CSMD1: variants seen among roughly 807,000 people sequenced by gnomAD.
The protein encoded by CSMD1 is CUB and sushi domain-containing protein 1.
CSMD1 carries 213 observed loss-of-function variants against 417.5 expected under a neutral mutation model. The ratio of observed to expected loss-of-function variants is 0.51; its 90% CI spans 0.46 to 0.57. The LOEUF (loss-of-function observed/expected upper bound fraction) is 0.57. Ranked by LOEUF, CSMD1 falls within the 20% of genes least tolerant of loss-of-function variation. The pLI is 0.00. For missense variants in CSMD1, 6,923 were observed against 4,529.7 expected (o/e 1.53, Z -15.17); for synonymous variants, 2,862 against 1,736.8 (o/e 1.65, Z -16.11).
intron 1 of CSMD1, among the ~76,000 whole-genome samples, chr8:4,676,650 C>T (rs1444557623): frequency 6.6e-6 from 1 of 151,974 alleles, no homozygotes; most frequent in Non-Finnish European, 1.5e-5. Flanking sequence ...TTCCAAGTTA[C>T]AAAGGAAAAA....
chr8:3,768,968 A>C (rs1798432572), intron 5 of CSMD1, among the ~76,000 whole-genome samples: 1 of 152,234 alleles, frequency 6.6e-6, no homozygotes, highest in Admixed American at 6.5e-5. Context: ...ATGGAACAGG[A>C]AAGGCCTGGC....
chr8:3,266,604 CAAAAAAAAAAA>C (rs60439183), intron 26 of CSMD1, among the ~76,000 whole-genome samples: 40 of 25,516 alleles, frequency 1.6e-3, no homozygotes, highest in African/African-American at 7.4e-3. Flanking sequence ...GACTCCCTCT[CAAAAAAAAAAA>C]AAAAAAAAAA....
chr8:3,610,786 C>G, intron 8 of CSMD1, among the ~76,000 whole-genome samples: 1 of 152,030 alleles, frequency 6.6e-6, no homozygotes, highest in East Asian at 1.9e-4. Flanking sequence ...GTGTGCCCCA[C>G]AGATGCCTGG....
chr8:3,302,516 C>T (rs774136850), intron 25 of CSMD1, among the ~76,000 whole-genome samples: 5 of 152,184 alleles, frequency 3.3e-5, no homozygotes, highest in Admixed American at 1.3e-4. Flanking sequence ...TTCTTCCCTG[C>T]ATGTCTATCT....
chr8:4,489,161 C>G (rs1385700109), intron 2 of CSMD1, among the ~76,000 whole-genome samples: 1 of 152,150 alleles, frequency 6.6e-6, no homozygotes, highest in Non-Finnish European at 1.5e-5. Flanking sequence ...ATCTACCTGC[C>G]TCGGCCTCCC....
intron 12 of CSMD1, among the ~76,000 whole-genome samples, chr8:3,439,902 T>G (rs1299882460): frequency 1.3e-5 from 2 of 152,220 alleles, no homozygotes; most frequent in African/African-American, 4.8e-5. Context: ...AGCCATTCAC[T>G]GAAAAGACTA....
intron 1 of CSMD1, among the ~76,000 whole-genome samples, chr8:4,831,187 C>T (rs1195764265): frequency 6.6e-6 from 1 of 152,118 alleles, no homozygotes; most frequent in Non-Finnish European, 1.5e-5. Context: ...CTGAAAAATG[C>T]AACTATTGGC....
At chr8:4,411,385 T>G (rs115904918) in intron 3 of CSMD1, among the ~76,000 whole-genome samples, 6 of 152,244 alleles carry the variant, frequency 3.9e-5, no homozygotes, top group African/African-American at 1.2e-4. Flanking sequence ...TCAGCCACAG[T>G]GCTGGTCTTA....
At chr8:4,980,436 T>A (rs1810825720) in intron 1 of CSMD1, among the ~76,000 whole-genome samples, 2 of 151,954 alleles carry the variant, frequency 1.3e-5, no homozygotes, top group African/African-American at 4.8e-5. Context: ...AGGAAGGAGT[T>A]TGTCAGGCGA....
At chr8:3,019,362 A>G (rs1809153991) in intron 51 of CSMD1, among the ~76,000 whole-genome samples, 1 of 152,232 alleles carries the variant, frequency 6.6e-6, no homozygotes, top group African/African-American at 2.4e-5. Context: ...ATCAATCCCA[A>G]GAATTACATA....
rs971311961 is a variant in CSMD1, at chr8:4,387,850, G to C, written c.415+32103C>G. On this transcript the variant is annotated intron_variant, in intron 3 of 69. Transcript: ENST00000635120. ...CTTTTCATAGCCACAAATGACAGCT[G>C]TCAACAAATATTCTTTAATGTCCTT... 3.9e-5 allele frequency among the ~76,000 whole-genome samples: 6 copies of C among 152,070 alleles called. No homozygotes were observed. In the South Asian group the frequency reaches 6.2e-4, roughly 16 times the overall value.
At chr8:3,045,425 A>G (rs1317491562) in intron 50 of CSMD1, among the ~76,000 whole-genome samples, 1 of 152,228 alleles carries the variant, frequency 6.6e-6, no homozygotes, top group East Asian at 1.9e-4. Context: ...AGCTACCTTA[A>G]GCCCTGTCAT....
rs1313097236 is a variant in CSMD1 at position 3,772,440 on chromosome 8, T to C, written c.819-18398A>G. Among the ~76,000 whole-genome samples, 24 of 69,572 alleles carry C rather than the reference T, an allele frequency of 3.4e-4. 4 individuals carry two copies. The highest frequency in any genetic ancestry group is 2.0e-3 in the African/African-American group (21 of 10,728). 45.6% of individuals were successfully genotyped at this position (69,572 alleles called of 152,430 possible). A position where few individuals can be genotyped will look rare whatever the true frequency, so the allele number is the denominator to read the frequency against. ...ATATATACACATATATACATACATT[T>C]ATATATACACATATATATACATATA... On this transcript the variant is annotated intron_variant, in intron 5 of 69. Coordinates refer to ENST00000635120, the MANE Select transcript of CSMD1 (RefSeq NM_033225.6).
intron 27 of CSMD1, among the ~76,000 whole-genome samples, chr8:3,227,663 C>G (rs757118295): frequency 6.6e-6 from 1 of 151,818 alleles, no homozygotes; most frequent in South Asian, 2.1e-4. Context: ...TCACTAAAAA[C>G]GAGTAGAAAA....
chr8:3,840,603 G>C (rs1415755843), intron 5 of CSMD1, among the ~76,000 whole-genome samples: 3 of 151,994 alleles, frequency 2.0e-5, no homozygotes, highest in Non-Finnish European at 4.4e-5. Flanking sequence ...TGTATGTATA[G>C]GTGTGAGTTT....
intron 5 of CSMD1, among the ~76,000 whole-genome samples, chr8:3,981,784 G>C (rs1189128576): frequency 1.3e-5 from 2 of 152,198 alleles, no homozygotes; most frequent in African/African-American, 2.4e-5. Flanking sequence ...GCTTCACAAA[G>C]TCAAGAGAAG....
intron 3 of CSMD1, among the ~76,000 whole-genome samples, chr8:4,331,572 G>T (rs117621302): frequency 6.6e-6 from 1 of 152,126 alleles, no homozygotes; most frequent in Non-Finnish European, 1.5e-5. Context: ...ACAGCTGGGA[G>T]ACTGCAGACA....
At chr8:3,166,678 G>A (rs1423122085) in intron 37 of CSMD1, among the ~76,000 whole-genome samples, 2 of 151,918 alleles carry the variant, frequency 1.3e-5, no homozygotes, top group Non-Finnish European at 2.9e-5. Context: ...ATAAATAATG[G>A]GCAAACCTAT....
chr8:3,662,404 G>A (rs528984513), intron 7 of CSMD1, among the ~76,000 whole-genome samples: 3 of 152,232 alleles, frequency 2.0e-5, no homozygotes, highest in Middle Eastern at 3.4e-3. Context: ...TGAATGTCAA[G>A]ACTCCATGCC....
Sources: allele counts gnomAD v4.1 joint callset (sites outside exome capture counted in the v4.1 genomes callset), GRCh38; gene constraint gnomAD v4.1.1; transcripts MANE v1.5; gene names NCBI Gene and HGNC (gene_info 2026-07-23, HGNC 2026-07-21).